The following RAB27A variants were observed in gnomAD, a reference collection of about 807,000 sequenced individuals.
RAB27A encodes ras-related protein Rab-27A.
In RAB27A, 17 loss-of-function variants were observed where a neutral mutation model predicts 20.8. That is an observed-to-expected ratio of 0.82 (90% CI 0.56 to 1.23). RAB27A has a LOEUF of 1.23. RAB27A is among the 50% of genes most tolerant of loss of function. The pLI is 0.00. For missense variants in RAB27A, 277 were observed against 266.7 expected, an observed-to-expected ratio of 1.04 and a Z score of -0.27; for synonymous variants, 85 against 92.8, an observed-to-expected ratio of 0.92 and a Z score of 0.48.
chr15:55,262,398 C>T (rs768850520), intron 2 of RAB27A, among the ~76,000 whole-genome samples: 8 of 151,430 alleles, frequency 5.3e-5, no homozygotes, highest in South Asian at 2.1e-4. Context: ...AAAAATTAGC[C>T]GGGCGTGGTG....
intron 6 of RAB27A, among the ~76,000 whole-genome samples, chr15:55,212,560 C>T (rs1895077815): frequency 1.5e-5 from 2 of 130,740 alleles, no homozygotes; most frequent in African/African-American, 3.4e-5. Context: ...GAGACAGTCT[C>T]ACTCTGTTGC....
At position 55,318,022 on chromosome 15, in the gene RAB27A, T is replaced by A. The variant is rs556847611; in HGVS notation, c.-234+909A>T. Among the ~76,000 whole-genome samples the A allele has an allele frequency of 2.9e-4, 44 of 152,108 alleles. No individual in the cohort carries two copies. In the South Asian group the frequency reaches 4.8e-3, roughly 17 times the overall value. On this transcript the variant is annotated intron_variant, in intron 1 of 5. Coordinates refer to the RAB27A transcript ENST00000563262. ...TACATAAGGAGTACAGGAAGTGAAT[T>A]AGGGAAGGGTATAAGACAAAACTAA... is the stretch of plus-strand genomic sequence containing the variant.
In RAB27A at chr15:55,302,939, G is replaced by T. The variant is rs1013905930; in HGVS notation, c.-112+11100C>A. The stretch of plus-strand genomic sequence containing the variant: ...CCGGCAGCCACCCCATCTGGGAAGT[G>T]AGGAGCATCTCCGCCCGGCAGCCAC... On this transcript the variant is annotated intron_variant, in intron 2 of 5. Transcript: ENST00000563262. Among the ~76,000 whole-genome samples, 17 of 136,470 alleles carry T rather than the reference G, an allele frequency of 1.2e-4. No homozygotes were observed. In the South Asian group the frequency reaches 3.4e-3, roughly 27 times the overall value. The allele number at this position is 136,470 out of a possible 152,430, so 89.5% of individuals were successfully genotyped here.
At chr15:55,234,687 A>G in intron 3 of RAB27A, 95 bp downstream of exon 3, 1 of 1,354,212 alleles carries the variant, frequency 7.4e-7, no homozygotes, top group Non-Finnish European at 1.0e-6. Context: ...TCAGATCCCA[A>G]CCTTTGTCCT....
intron 2 of RAB27A, among the ~76,000 whole-genome samples, chr15:55,309,659 T>C (rs1393381472): frequency 1.3e-5 from 2 of 152,070 alleles, no homozygotes; most frequent in Non-Finnish European, 2.9e-5. Flanking sequence ...GAAAAAGGCA[T>C]CCTTAAGGTC....
At chr15:55,301,443 C>G (rs540015892) in intron 2 of RAB27A, among the ~76,000 whole-genome samples, 1 of 146,242 alleles carries the variant, frequency 6.8e-6, no homozygotes, top group East Asian at 1.9e-4. Flanking sequence ...AGATATAACT[C>G]ACACACAATA....
rs1447165142 is a variant in RAB27A at position 55,274,803 on chromosome 15, T to TAC, written c.-142-4520_-142-4519insGT. Among the ~76,000 whole-genome samples, 147 of 121,866 alleles carry TAC rather than the reference T, an allele frequency of 1.2e-3. 3 individuals carry two copies. The highest frequency in any genetic ancestry group is 4.8e-3 in the African/African-American group (140 of 29,020). 79.9% of individuals were successfully genotyped at this position (121,866 alleles called of 152,430 possible). Reference sequence around the variant, plus strand: ...TAAAAAAATAAATAAATTATATATATATATATATATATATATATATATGTA... The same window carrying TAC: ...TAAAAAAATAAATAAATTATATATATACATATATATATATATATATATATGTA... On this transcript the variant is annotated intron_variant, in intron 1 of 6. Coordinates refer to ENST00000336787, the MANE Select transcript of RAB27A (RefSeq NM_183235.3).
intron 3 of RAB27A, among the ~76,000 whole-genome samples, chr15:55,231,304 G>A (rs1051764676): frequency 6.6e-6 from 1 of 152,076 alleles, no homozygotes; most frequent in Non-Finnish European, 1.5e-5. Flanking sequence ...ATTTTTGGTA[G>A]AACAATTTTC....
chr15:55,221,485 A>C (rs1895567086), intron 6 of RAB27A, among the ~76,000 whole-genome samples: 1 of 152,054 alleles, frequency 6.6e-6, no homozygotes, highest in Non-Finnish European at 1.5e-5. Context: ...GCAGGGGGAC[A>C]TTTCAGACTG....
intron 2 of RAB27A, among the ~76,000 whole-genome samples, chr15:55,256,066 G>A (rs1045701602): frequency 6.6e-6 from 1 of 152,096 alleles, no homozygotes; most frequent in Non-Finnish European, 1.5e-5. Context: ...GTAAACTACT[G>A]GGTACATGTA....
intron 6 of RAB27A, among the ~76,000 whole-genome samples, chr15:55,209,821 T>TATATAC (rs1566895973): frequency 2.2e-5 from 3 of 133,660 alleles, no homozygotes. Context: ...CACATGTGTG[T>TATATAC]ATATATACAT....
At chr15:55,210,279 T>C (rs1307980514) in intron 6 of RAB27A, among the ~76,000 whole-genome samples, 1 of 132,006 alleles carries the variant, frequency 7.6e-6, no homozygotes, top group Non-Finnish European at 1.6e-5. Context: ...GTTCTATTTT[T>C]AGTTTTTTTT....
At chr15:55,214,416 A>G (rs1422970595) in intron 6 of RAB27A, among the ~76,000 whole-genome samples, 1 of 152,218 alleles carries the variant, frequency 6.6e-6, no homozygotes, top group African/African-American at 2.4e-5. Context: ...AGCCTGGGCG[A>G]CAGAGCGAGA....
chr15:55,224,759 C>G (rs1371830230), intron 5 of RAB27A, among the ~76,000 whole-genome samples: 1 of 152,216 alleles, frequency 6.6e-6, no homozygotes, highest in Non-Finnish European at 1.5e-5. Context: ...TCATTTCTTA[C>G]CCATCACACC....
At position 55,216,310 on chromosome 15, in the gene RAB27A, C is replaced by T. The variant is rs181240204; in HGVS notation, c.467+7579G>A. Among the ~76,000 whole-genome samples the T allele has an allele frequency of 7.2e-3, 1,089 of 152,148 alleles. 4 individuals are homozygous for T. The highest frequency in any genetic ancestry group is 0.012 in the Non-Finnish European group (789 of 67,986). ...GCACTTTGAGAGGCCAAGGCAGGGT[C>T]GGAGTTGAGGTCAGGAGTTCAAGAT... On this transcript the variant is annotated intron_variant, in intron 6 of 6. Transcript: ENST00000336787.
chr15:55,235,363 A>C (rs1896213014), intron 2 of RAB27A, among the ~76,000 whole-genome samples: 1 of 151,968 alleles, frequency 6.6e-6, no homozygotes, highest in Non-Finnish European at 1.5e-5. Flanking sequence ...CAGGAGAATC[A>C]CTTGAACCTG....
At chr15:55,275,575 G>C (rs539977222) in intron 1 of RAB27A, among the ~76,000 whole-genome samples, 25 of 152,026 alleles carry the variant, frequency 1.6e-4, no homozygotes, top group African/African-American at 5.5e-4. Context: ...GCAGTGAGCA[G>C]AGGTTGTGCC....
chr15:55,281,643 G>A (rs947878336), intron 1 of RAB27A, among the ~76,000 whole-genome samples: 1 of 151,920 alleles, frequency 6.6e-6, no homozygotes, highest in African/African-American at 2.4e-5. Flanking sequence ...AGCCCAGGAT[G>A]TTGAGGTTGC....
intron 2 of RAB27A, among the ~76,000 whole-genome samples, chr15:55,306,147 G>C (rs2054996084): frequency 6.6e-6 from 1 of 152,192 alleles, no homozygotes; most frequent in African/African-American, 2.4e-5. Flanking sequence ...TTGGGAGTTG[G>C]TTGTGTCTAT....
Sources: allele counts gnomAD v4.1 joint callset (sites outside exome capture counted in the v4.1 genomes callset), GRCh38; gene constraint gnomAD v4.1.1; transcripts MANE v1.5; gene names NCBI Gene and HGNC (gene_info 2026-07-23, HGNC 2026-07-21).